CHST9: variants seen among roughly 807,000 people sequenced by gnomAD.
CHST9 encodes the protein carbohydrate sulfotransferase 9.
Under a neutral mutation model 44.4 loss-of-function variants are expected in CHST9, and 41 were observed. The observed-to-expected ratio is 0.92, with a 90% CI of 0.72 to 1.20. The LOEUF (loss-of-function observed/expected upper bound fraction) is 1.20, where lower values mean the gene tolerates loss of function less well. Ranked by LOEUF, CHST9 falls within the 50% of genes most tolerant of loss-of-function variation. The pLI, the probability that CHST9 is intolerant of heterozygous loss-of-function variation, is 0.00. For synonymous variants in CHST9, 171 were observed against 178.4 expected, an observed-to-expected ratio of 0.96 and a Z score of 0.33; for missense variants, 504 against 516.5, an observed-to-expected ratio of 0.98 and a Z score of 0.23.
intron 4 of CHST9, among the ~76,000 whole-genome samples, chr18:26,994,923 T>A (rs950295819): frequency 6.6e-6 from 1 of 152,162 alleles, no homozygotes; most frequent in African/African-American, 2.4e-5. Flanking sequence ...AAGTAGTATA[T>A]AGCAGAGTGA....
chr18:26,932,735 C>T (rs1043177260), intron 5 of CHST9, among the ~76,000 whole-genome samples: 5 of 152,302 alleles, frequency 3.3e-5, no homozygotes, highest in South Asian at 4.2e-4. Context: ...TGTTCAGTTG[C>T]AGTATCTTCA....
chr18:27,124,078 G>T (rs189729752), intron 2 of CHST9, among the ~76,000 whole-genome samples: 1 of 152,166 alleles, frequency 6.6e-6, no homozygotes, highest in Non-Finnish European at 1.5e-5. Flanking sequence ...AGTGCTACCC[G>T]CTGCACACAC....
chr18:26,960,100 T>C (rs1171476191), intron 4 of CHST9, among the ~76,000 whole-genome samples: 2 of 152,150 alleles, frequency 1.3e-5, no homozygotes, highest in Non-Finnish European at 2.9e-5. Context: ...GGTGGGATGA[T>C]AAGCTCGGTT....
At chr18:27,108,458 T>TA (rs1319560470) in intron 2 of CHST9, among the ~76,000 whole-genome samples, 1 of 152,246 alleles carries the variant, frequency 6.6e-6, no homozygotes, top group Non-Finnish European at 1.5e-5. Context: ...TTCACTTTGA[T>TA]AGAGCTTTAC....
At chr18:26,957,049 C>T (rs1428599987) in intron 4 of CHST9, among the ~76,000 whole-genome samples, 2 of 152,210 alleles carry the variant, frequency 1.3e-5, no homozygotes, top group Admixed American at 6.5e-5. Context: ...GTCAGCCCAG[C>T]GGGGGAAATT....
intron 4 of CHST9, among the ~76,000 whole-genome samples, chr18:26,950,158 G>A (rs1031560643): frequency 6.6e-6 from 1 of 152,198 alleles, no homozygotes; most frequent in Non-Finnish European, 1.5e-5. Context: ...CTCAAGGTAC[G>A]GGGAGGAAAG....
intron 2 of CHST9, among the ~76,000 whole-genome samples, chr18:27,066,283 T>G (rs1255718219): frequency 1.3e-5 from 2 of 152,220 alleles, no homozygotes; most frequent in Non-Finnish European, 2.9e-5. Flanking sequence ...TGTAGTAAAG[T>G]GACCTTGGCC....
chr18:27,147,492 G>C lies in CHST9; in HGVS notation c.-96-4587C>G, dbSNP rs79428185. On this transcript the variant is annotated intron_variant, in intron 1 of 5. Coordinates refer to ENST00000618847, the MANE Select transcript of CHST9 (RefSeq NM_031422.6). Reference sequence around the variant, plus strand: ...GGCTTGCTGTTCCCAGATGAGTGTTGGTAGCCCACTCTTTCTCCCCTCCGG... The same window carrying C: ...GGCTTGCTGTTCCCAGATGAGTGTTCGTAGCCCACTCTTTCTCCCCTCCGG... 7.9e-3 allele frequency among the ~76,000 whole-genome samples: 1,202 copies of C among 152,116 alleles called. 19 individuals carry two copies. The highest frequency in any genetic ancestry group is 0.028 in the African/African-American group (1,144 of 41,472).
At chr18:27,047,538 A>G (rs749685584) in intron 3 of CHST9, among the ~76,000 whole-genome samples, 8 of 152,108 alleles carry the variant, frequency 5.3e-5, no homozygotes, top group Non-Finnish European at 8.8e-5. Context: ...TGGAAAGGAC[A>G]AAAGAGACAG....
At chr18:27,165,364 T>C (rs1418032370) in intron 1 of CHST9, among the ~76,000 whole-genome samples, 1 of 152,138 alleles carries the variant, frequency 6.6e-6, no homozygotes, top group Non-Finnish European at 1.5e-5. Context: ...TACATTGTCA[T>C]AATAATGAAA....
intron 4 of CHST9, among the ~76,000 whole-genome samples, chr18:26,964,561 G>A (rs2056440650): frequency 6.6e-6 from 1 of 152,222 alleles, no homozygotes; most frequent in South Asian, 2.1e-4. Flanking sequence ...AGCAGACTGT[G>A]GGCCGTAAAC....
intron 4 of CHST9, among the ~76,000 whole-genome samples, chr18:27,020,769 G>A (rs2057216382): frequency 1.3e-5 from 2 of 152,120 alleles, no homozygotes; most frequent in Admixed American, 1.3e-4. Context: ...GAGGACGAAA[G>A]CTCTAACAAT....
At chr18:27,158,154 G>A (rs2058712765) in intron 1 of CHST9, among the ~76,000 whole-genome samples, 1 of 152,020 alleles carries the variant, frequency 6.6e-6, no homozygotes, top group African/African-American at 2.4e-5. Flanking sequence ...TGCACAACGT[G>A]CAGGTTAGTT....
At chr18:26,989,606 C>T (rs921623234) in intron 4 of CHST9, among the ~76,000 whole-genome samples, 8 of 152,200 alleles carry the variant, frequency 5.3e-5, no homozygotes, top group Admixed American at 3.3e-4. Context: ...AATGTCCATA[C>T]AAACACTTGT....
At chr18:27,119,657 T>TG (rs2058358227) in intron 2 of CHST9, among the ~76,000 whole-genome samples, 1 of 151,252 alleles carries the variant, frequency 6.6e-6, no homozygotes, top group Admixed American at 6.6e-5. Context: ...TTTTGGGTTT[T>TG]TTTTTTTTTT....
intron 1 of CHST9, among the ~76,000 whole-genome samples, chr18:27,157,594 A>G (rs2058707662): frequency 6.6e-6 from 1 of 152,108 alleles, no homozygotes; most frequent in South Asian, 2.1e-4. Context: ...AATCCGCAAA[A>G]ATATCTACTG....
chr18:26,960,221 G>A lies in CHST9; in HGVS notation c.203-15855C>T, dbSNP rs547200222. On this transcript the variant is annotated intron_variant, in intron 4 of 5. Coordinates refer to ENST00000618847, the MANE Select transcript of CHST9 (RefSeq NM_031422.6). Reference sequence around the variant, plus strand: ...AGAGAGATGATGGGGAGAAGAGAGCGTAGAAGACTCTCGAGTTGAAGGGAA... The same window carrying A: ...AGAGAGATGATGGGGAGAAGAGAGCATAGAAGACTCTCGAGTTGAAGGGAA... Among the ~76,000 whole-genome samples, 83 of 152,250 alleles carry A rather than the reference G, an allele frequency of 5.5e-4. 1 individual carries two copies. Among genetic ancestry groups the A allele is most frequent in the South Asian group, 1.0e-3 (5 of 4,830 alleles).
intron 2 of CHST9, among the ~76,000 whole-genome samples, chr18:27,139,001 CTA>C (rs2058541089): frequency 6.6e-6 from 1 of 152,150 alleles, no homozygotes; most frequent in African/African-American, 2.4e-5. Flanking sequence ...TTATGGAACT[CTA>C]TTGCATAATT....
intron 1 of CHST9, among the ~76,000 whole-genome samples, chr18:27,150,528 TA>T (rs1219591439): frequency 6.6e-6 from 1 of 151,022 alleles, no homozygotes; most frequent in Non-Finnish European, 1.5e-5. Context: ...CTTCCAAATT[TA>T]AAGTCTAACA....
Sources: allele counts gnomAD v4.1 joint callset (sites outside exome capture counted in the v4.1 genomes callset), GRCh38; gene constraint gnomAD v4.1.1; transcripts MANE v1.5; gene names NCBI Gene and HGNC (gene_info 2026-07-23, HGNC 2026-07-21).